The following EPHA3 variants were observed in gnomAD, a reference collection of about 807,000 sequenced individuals.
EPHA3 encodes the protein EPH receptor A3, also known as ephrin type-A receptor 3.
In EPHA3, 42 loss-of-function variants were observed where a neutral mutation model predicts 107.1. The ratio of observed to expected loss-of-function variants is 0.39; its 90% CI spans 0.31 to 0.51. EPHA3 has a LOEUF of 0.51. Ranked by LOEUF, EPHA3 falls within the 20% of genes least tolerant of loss-of-function variation. The probability of loss-of-function intolerance (pLI) is 0.78; values close to 1 mark genes in which losing one functional copy is unlikely to be tolerated. For synonymous variants in EPHA3, 461 were observed against 424.8 expected (o/e 1.09, Z -1.05); for missense variants, 1,183 against 1,211.2 (o/e 0.98, Z 0.35).
intron 15 of EPHA3, among the ~76,000 whole-genome samples, chr3:89,457,708 G>T (rs552444940): frequency 6.6e-6 from 1 of 152,178 alleles, no homozygotes; most frequent in Non-Finnish European, 1.5e-5. Flanking sequence ...AGACACTGAA[G>T]TTACTGAAGT....
chr3:89,456,986 C>T (rs866920828), intron 15 of EPHA3, among the ~76,000 whole-genome samples: 3 of 152,140 alleles, frequency 2.0e-5, no homozygotes, highest in African/African-American at 7.2e-5. Flanking sequence ...CACTATAATA[C>T]CCCTCAGAAC....
intron 3 of EPHA3, among the ~76,000 whole-genome samples, chr3:89,237,567 G>C (rs1414842329): frequency 2.6e-5 from 4 of 152,076 alleles, no homozygotes; most frequent in African/African-American, 9.7e-5. Context: ...CAACTGACTT[G>C]TATAAAAAGT....
chr3:89,305,064 A>T (rs1706582410), intron 3 of EPHA3, among the ~76,000 whole-genome samples: 1 of 152,198 alleles, frequency 6.6e-6, no homozygotes, highest in African/African-American at 2.4e-5. Flanking sequence ...GTGTTGGCAT[A>T]GCAATTTTTA....
At chr3:89,133,286 A>G (rs980058404) in intron 2 of EPHA3, among the ~76,000 whole-genome samples, 7 of 152,194 alleles carry the variant, frequency 4.6e-5, no homozygotes, top group South Asian at 2.1e-4. Context: ...TTTATTTCAT[A>G]TAATCTGCAC....
At chr3:89,320,134 T>C (rs1707009474) in intron 3 of EPHA3, among the ~76,000 whole-genome samples, 1 of 151,974 alleles carries the variant, frequency 6.6e-6, no homozygotes, top group South Asian at 2.1e-4. Flanking sequence ...AAAACTAGTC[T>C]TACTAGTAAT....
At chr3:89,272,382 T>C (rs1172749330) in intron 3 of EPHA3, among the ~76,000 whole-genome samples, 3 of 151,944 alleles carry the variant, frequency 2.0e-5, no homozygotes, top group African/African-American at 7.2e-5. Context: ...GGCTAATATG[T>C]CACACAGCTG....
intron 3 of EPHA3, among the ~76,000 whole-genome samples, chr3:89,269,410 G>T: frequency 6.6e-6 from 1 of 151,946 alleles, no homozygotes; most frequent in Non-Finnish European, 1.5e-5. Flanking sequence ...AAAGCTTGAT[G>T]TACAGGGCAT....
At position 89,359,510 on chromosome 3, in the gene EPHA3, A is replaced by T. The variant is rs184754338; in HGVS notation, c.1306+17420A>T. Among the ~76,000 whole-genome samples the T allele has an allele frequency of 1.6e-3, 242 of 150,548 alleles. 16 individuals carry two copies. The highest frequency in any genetic ancestry group is 3.1e-3 in the Non-Finnish European group (210 of 67,202). On this transcript the variant is annotated intron_variant, in intron 5 of 16. Coordinates refer to ENST00000336596, the MANE Select transcript of EPHA3 (RefSeq NM_005233.6). ...TGGGTAGTACTTAAGGAGATTTTAT[A>T]ATTTATGTACATTTCACATGTAATA...
rs1473709576 is a variant in EPHA3, at chr3:89,450,269, A to G, written c.2589A>G (p.Lys863=). 1 of 1,613,898 alleles carries G rather than the reference A, an allele frequency of 6.2e-7. No individual in the cohort carries two copies. The part of the protein sequence containing the change: ...LYQLMLDCWQ[K]DRNNRPKFEQ... ...AGCTGATGCTGGACTGCTGGCAGAA[A>G]GACAGGAACAACAGACCCAAGTTTG... The change falls in exon 15 of 17, where the codon AAA becomes AAG. Residue 863 remains lysine, a synonymous_variant. Coordinates refer to ENST00000336596, the MANE Select transcript of EPHA3 (RefSeq NM_005233.6).
chr3:89,288,125 T>C (rs1706131936), intron 3 of EPHA3, among the ~76,000 whole-genome samples: 2 of 151,994 alleles, frequency 1.3e-5, no homozygotes, highest in Non-Finnish European at 2.9e-5. Context: ...TACAAAAGAA[T>C]GCAATTACAA....
At chr3:89,275,212 G>T (rs1705777597) in intron 3 of EPHA3, among the ~76,000 whole-genome samples, 1 of 151,958 alleles carries the variant, frequency 6.6e-6, no homozygotes, top group Non-Finnish European at 1.5e-5. Context: ...GACAGTCCTT[G>T]CGGGAGCAAT....
chr3:89,295,786 C>T (rs1706338536), intron 3 of EPHA3, among the ~76,000 whole-genome samples: 1 of 151,884 alleles, frequency 6.6e-6, no homozygotes, highest in African/African-American at 2.4e-5. Flanking sequence ...AGATGAGTTT[C>T]CCTATGTTGG....
chr3:89,378,333 A>G (rs1708440841), intron 5 of EPHA3, among the ~76,000 whole-genome samples: 1 of 152,154 alleles, frequency 6.6e-6, no homozygotes, highest in South Asian at 2.1e-4. Context: ...GGACAATTCA[A>G]TAATTTTTAG....
chr3:89,374,646 T>A (rs1329352924), intron 5 of EPHA3, among the ~76,000 whole-genome samples: 2 of 151,686 alleles, frequency 1.3e-5, no homozygotes, highest in Non-Finnish European at 2.9e-5. Flanking sequence ...GTATTTCACT[T>A]TTTAGAAAAA....
chr3:89,131,636 A>G (rs1576171202), intron 2 of EPHA3, among the ~76,000 whole-genome samples: 1 of 152,336 alleles, frequency 6.6e-6, no homozygotes, highest in African/African-American at 2.4e-5. Flanking sequence ...TCACTTAATT[A>G]AAGAAACTCC....
In EPHA3 at chr3:89,107,855, C is replaced by T. The variant is rs372119203; in HGVS notation, c.88+19C>T. ...AATGAAGGTAAGCCAGGTACCGCGA[C>T]GCACGGAGCTCTGCCCCGCGGGGCT... On this transcript the variant is annotated intron_variant, in intron 1 of 16. Transcript: ENST00000336596. 1.2e-6 allele frequency: 2 copies of T among 1,611,338 alleles called. No homozygotes were observed. The highest frequency in any genetic ancestry group is 1.3e-5 in the African/African-American group (1 of 74,992).
At chr3:89,435,722 G>A (rs1364515209) in intron 13 of EPHA3, among the ~76,000 whole-genome samples, 3 of 149,738 alleles carry the variant, frequency 2.0e-5, no homozygotes, top group East Asian at 2.0e-4. Context: ...AGAGGCTAAA[G>A]CAGGCAGATC....
At position 89,237,287 on chromosome 3, in the gene EPHA3, G is replaced by A. The variant is rs117553655; in HGVS notation, c.814+26767G>A. On this transcript the variant is annotated intron_variant, in intron 3 of 16. Transcript: ENST00000336596. The stretch of plus-strand genomic sequence containing the variant: ...CTCAGGAGGCTGAGGCATGAGAATC[G>A]CTCGAACCAAGAGGCAGAGGCTGCA... 4.5e-3 allele frequency among the ~76,000 whole-genome samples: 680 copies of A among 152,274 alleles called. 26 individuals are homozygous for A. The East Asian group carries it at 0.094, about 21-fold the overall frequency.
chr3:89,210,508 T>C lies in EPHA3; in HGVS notation c.802T>C (p.Phe268Leu), dbSNP rs754184476. 2.6e-6 allele frequency: 4 copies of C among 1,549,580 alleles called. No homozygotes were observed. The South Asian group carries it at 3.8e-5, about 15-fold the overall frequency. The change falls in exon 3 of 17, where the codon TTT becomes CTT. Residue 268 changes from phenylalanine to leucine, a missense_variant. Physicochemically the swap from Phe to Leu is conservative, Grantham distance 22. Coordinates refer to ENST00000336596, the MANE Select transcript of EPHA3 (RefSeq NM_005233.6). ...SCNAGYEERG[F>L]MCQACRPGFY... ...CAATGCTGGCTATGAAGAAAGAGGT[T>C]TTATGTGCCAAGGTAAGAGCCTTCT...
Sources: gnomAD v4.1 joint callset for allele counts (sites outside exome capture counted in the v4.1 genomes callset) on GRCh38, gnomAD v4.1.1 for gene constraint, MANE v1.5 for transcripts, NCBI Gene and HGNC (gene_info 2026-07-23, HGNC 2026-07-21) for gene names.